The following IPO11 variants were observed in gnomAD, a reference collection of about 807,000 sequenced individuals.
IPO11 encodes importin-11.
Under a neutral mutation model 143.2 loss-of-function variants are expected in IPO11, and 66 were observed. The ratio of observed to expected loss-of-function variants is 0.46; its 90% CI spans 0.38 to 0.57. The LOEUF is 0.57. IPO11 is among the 20% of genes least tolerant of loss of function. The probability of loss-of-function intolerance (pLI) is 0.00; values close to 1 mark genes in which losing one functional copy is unlikely to be tolerated. For missense variants in IPO11, 1,026 were observed against 1,141.0 expected, an observed-to-expected ratio of 0.90 and a Z score of 1.45; for synonymous variants, 385 against 377.8, an observed-to-expected ratio of 1.02 and a Z score of -0.22.
chr5:62,626,868 T>A (rs1746600068), intron 29 of IPO11, among the ~76,000 whole-genome samples: 1 of 152,188 alleles, frequency 6.6e-6, no homozygotes, highest in African/African-American at 2.4e-5. Flanking sequence ...TTAGAATGCT[T>A]TCTACTAGGC....
intron 26 of IPO11, among the ~76,000 whole-genome samples, chr5:62,555,694 G>A (rs915442095): frequency 6.6e-5 from 10 of 151,978 alleles, no homozygotes; most frequent in African/African-American, 1.4e-4. Flanking sequence ...TAGTAGAGAC[G>A]GGGTTTCACC....
chr5:62,445,889 A>G (rs1396186424), intron 3 of IPO11, among the ~76,000 whole-genome samples: 1 of 152,166 alleles, frequency 6.6e-6, no homozygotes, highest in Non-Finnish European at 1.5e-5. Context: ...ATAGATAGTC[A>G]TTGTACACTT....
chr5:62,518,865 G>A lies in IPO11; in HGVS notation c.1896+3364G>A, dbSNP rs535213754. ...TACGCTAAACATTTATTGAGAACCTGCAATGTGCAATACAGGGTAATAGGC... is the reference window on the plus strand; with the variant it reads ...TACGCTAAACATTTATTGAGAACCTACAATGTGCAATACAGGGTAATAGGC... On this transcript the variant is annotated intron_variant, in intron 20 of 29. Coordinates refer to ENST00000325324, the MANE Select transcript of IPO11 (RefSeq NM_016338.5). Among the ~76,000 whole-genome samples, 3 of 152,276 alleles carry A rather than the reference G, an allele frequency of 2.0e-5. No homozygotes were observed. The South Asian group carries it at 6.2e-4, about 32-fold the overall frequency.
At chr5:62,615,650 A>G (rs570617701) in intron 29 of IPO11, among the ~76,000 whole-genome samples, 2 of 152,358 alleles carry the variant, frequency 1.3e-5, no homozygotes, top group South Asian at 4.1e-4. Context: ...TTCATGAATC[A>G]GGCAGCATCC....
chr5:62,455,696 C>T (rs1383253199), intron 5 of IPO11, among the ~76,000 whole-genome samples: 1 of 151,910 alleles, frequency 6.6e-6, no homozygotes, highest in East Asian at 1.9e-4. Context: ...ACGAAATCAG[C>T]AGTTGAGAGC....
intron 1 of IPO11, among the ~76,000 whole-genome samples, chr5:62,414,332 T>C (rs956919516): frequency 6.6e-6 from 1 of 152,232 alleles, no homozygotes; most frequent in Non-Finnish European, 1.5e-5. Context: ...AATAAAAATA[T>C]TCAAATTTTG....
chr5:62,549,072 C>A (rs1743307935), intron 24 of IPO11, among the ~76,000 whole-genome samples: 1 of 145,990 alleles, frequency 6.8e-6, no homozygotes, highest in Non-Finnish European at 1.5e-5. Flanking sequence ...TATCTTTTTT[C>A]CCAGATCTAG....
intron 27 of IPO11, among the ~76,000 whole-genome samples, chr5:62,591,239 A>G (rs1744998789): frequency 6.6e-6 from 1 of 152,068 alleles, no homozygotes; most frequent in Non-Finnish European, 1.5e-5. Flanking sequence ...TCACAGTGTC[A>G]TTAGAAGAGC....
chr5:62,506,558 A>G (rs983782223), intron 19 of IPO11, among the ~76,000 whole-genome samples: 1 of 152,160 alleles, frequency 6.6e-6, no homozygotes, highest in Non-Finnish European at 1.5e-5. Context: ...ATACTAAAAA[A>G]AAAATTGGAT....
chr5:62,450,675 A>C (rs1299532510), intron 4 of IPO11, among the ~76,000 whole-genome samples: 6 of 151,706 alleles, frequency 4.0e-5, no homozygotes, highest in African/African-American at 1.2e-4. Flanking sequence ...AAAAAAAAAA[A>C]AACAACTCAG....
chr5:62,559,135 G>A (rs915167553), intron 26 of IPO11, among the ~76,000 whole-genome samples: 5 of 152,244 alleles, frequency 3.3e-5, no homozygotes, highest in African/African-American at 1.2e-4. Context: ...GGCTGATCAG[G>A]ATGGTGGTTG....
chr5:62,492,092 AG>A (rs1746635512), intron 15 of IPO11, among the ~76,000 whole-genome samples: 1 of 152,236 alleles, frequency 6.6e-6, no homozygotes, highest in Non-Finnish European at 1.5e-5. Flanking sequence ...GTTAAAGTTT[AG>A]GTTTTGACTT....
chr5:62,438,257 A>G (rs181248367), intron 2 of IPO11, among the ~76,000 whole-genome samples: 2 of 152,282 alleles, frequency 1.3e-5, no homozygotes, highest in Non-Finnish European at 2.9e-5. Context: ...TGAAGAAGAT[A>G]TTGTTCATGA....
At chr5:62,419,540 T>C (rs1052935431) in intron 1 of IPO11, among the ~76,000 whole-genome samples, 1 of 152,142 alleles carries the variant, frequency 6.6e-6, no homozygotes, top group Non-Finnish European at 1.5e-5. Context: ...CTCCACATCT[T>C]GTCTCACTGG....
chr5:62,508,720 G>A (rs1341640799), intron 19 of IPO11, among the ~76,000 whole-genome samples: 1 of 151,436 alleles, frequency 6.6e-6, no homozygotes. Context: ...AGTTACATTA[G>A]GTATTTCTCC....
intron 27 of IPO11, among the ~76,000 whole-genome samples, chr5:62,563,530 T>C (rs1743841055): frequency 6.6e-6 from 1 of 152,192 alleles, no homozygotes; most frequent in Admixed American, 6.5e-5. Context: ...TGTGGAAATT[T>C]AATATAGGTT....
At chr5:62,545,329 A>G (rs1743129589) in intron 24 of IPO11, among the ~76,000 whole-genome samples, 1 of 152,200 alleles carries the variant, frequency 6.6e-6, no homozygotes, top group Non-Finnish European at 1.5e-5. Flanking sequence ...GACAAACCTG[A>G]CAAAAACAAG....
intron 19 of IPO11, among the ~76,000 whole-genome samples, chr5:62,514,348 G>A (rs1408539348): frequency 6.6e-6 from 1 of 152,058 alleles, no homozygotes; most frequent in South Asian, 2.1e-4. Context: ...CTGGCACCTC[G>A]GGAGGCCGAG....
chr5:62,540,684 C>T (rs1215169404), intron 24 of IPO11, among the ~76,000 whole-genome samples: 2 of 152,204 alleles, frequency 1.3e-5, no homozygotes, highest in African/African-American at 4.8e-5. Flanking sequence ...GTCTTTGTTC[C>T]TCATTTTCCA....
Sources: allele counts gnomAD v4.1 joint callset (sites outside exome capture counted in the v4.1 genomes callset), GRCh38; gene constraint gnomAD v4.1.1; transcripts MANE v1.5; gene names NCBI Gene and HGNC (gene_info 2026-07-23, HGNC 2026-07-21).